Variants in RIMS2 observed in about 807,000 individuals in gnomAD.
RIMS2 encodes the protein regulating synaptic membrane exocytosis 2.
RIMS2 carries 59 observed loss-of-function variants against 174.4 expected under a neutral mutation model. The ratio of observed to expected loss-of-function variants is 0.34; its 90% CI spans 0.27 to 0.42. The LOEUF (loss-of-function observed/expected upper bound fraction) is 0.42. Ranked by LOEUF, RIMS2 falls within the 10% of genes least tolerant of loss-of-function variation. RIMS2 has a pLI of 1.00. For missense variants in RIMS2, 1,620 were observed against 1,666.3 expected, an observed-to-expected ratio of 0.97 and a Z score of 0.48; for synonymous variants, 606 against 572.5, an observed-to-expected ratio of 1.06 and a Z score of -0.84.
chr8:104,177,771 G>C (rs2098913181), intron 19 of RIMS2, among the ~76,000 whole-genome samples: 5 of 152,104 alleles, frequency 3.3e-5, no homozygotes, highest in Non-Finnish European at 1.5e-5. Context: ...GCCACCTGAG[G>C]ACAGAGACCA....
intron 1 of RIMS2, among the ~76,000 whole-genome samples, chr8:103,695,589 T>C (rs1013137830): frequency 3.3e-5 from 5 of 151,906 alleles, no homozygotes; most frequent in Non-Finnish European, 1.5e-5. Context: ...GAAGGTCTAC[T>C]GCCAATGAAT....
chr8:103,942,780 T>C (rs1426282021), exon 14 of RIMS2: 11 of 1,610,624 alleles, frequency 6.8e-6, no homozygotes, highest in Non-Finnish European at 8.5e-6. Context: ...TAGATTTTAA[T>C]TGAATTAGAA....
At chr8:104,001,846 A>G (rs796821527) in intron 17 of RIMS2, among the ~76,000 whole-genome samples, 2 of 152,122 alleles carry the variant, frequency 1.3e-5, no homozygotes, top group African/African-American at 2.4e-5. Flanking sequence ...ATGTAATGCA[A>G]CTAAACACAA....
chr8:104,035,105 A>G (rs1053639500), intron 19 of RIMS2, among the ~76,000 whole-genome samples: 3 of 152,170 alleles, frequency 2.0e-5, no homozygotes. Flanking sequence ...TTGGACATAT[A>G]ACTTTAAAAT....
At chr8:104,051,032 T>C (rs1184959611) in intron 19 of RIMS2, among the ~76,000 whole-genome samples, 6 of 151,520 alleles carry the variant, frequency 4.0e-5, no homozygotes, top group African/African-American at 1.5e-4. Context: ...CGTCCAGGAG[T>C]TTGAGACCAG....
intron 17 of RIMS2, among the ~76,000 whole-genome samples, chr8:103,994,571 G>A (rs2094947417): frequency 1.3e-5 from 2 of 152,084 alleles, no homozygotes; most frequent in Admixed American, 6.5e-5. Flanking sequence ...AGAAAAGTAA[G>A]CATGGTTCAG....
intron 2 of RIMS2, among the ~76,000 whole-genome samples, chr8:103,738,506 A>G (rs961923298): frequency 1.3e-5 from 2 of 152,282 alleles, no homozygotes; most frequent in South Asian, 2.1e-4. Flanking sequence ...CAAAAGCAAT[A>G]GCAACAAAAG....
intron 1 of RIMS2, among the ~76,000 whole-genome samples, chr8:103,631,612 G>C (rs2095923281): frequency 1.3e-5 from 2 of 152,118 alleles, no homozygotes; most frequent in South Asian, 2.1e-4. Flanking sequence ...TGGCTATTTG[G>C]CCTCTTTTTT....
At chr8:104,126,093 T>G (rs1048546525) in intron 19 of RIMS2, among the ~76,000 whole-genome samples, 3 of 152,186 alleles carry the variant, frequency 2.0e-5, no homozygotes, top group Non-Finnish European at 4.4e-5. Flanking sequence ...CCAATCTTTT[T>G]AGCACCAGGG....
chr8:104,029,942 G>A (rs1390381874), intron 19 of RIMS2, among the ~76,000 whole-genome samples: 4 of 152,108 alleles, frequency 2.6e-5, no homozygotes, highest in Non-Finnish European at 4.4e-5. Flanking sequence ...CCCAACGTGG[G>A]GGAAATACTC....
intron 3 of RIMS2, among the ~76,000 whole-genome samples, chr8:103,771,048 T>C (rs2098247729): frequency 6.6e-6 from 1 of 152,220 alleles, no homozygotes; most frequent in Admixed American, 6.5e-5. Flanking sequence ...TGTAGTAGTT[T>C]TGACCTTTTT....
chr8:104,060,147 A>T (rs2096953793), intron 19 of RIMS2, among the ~76,000 whole-genome samples: 1 of 151,984 alleles, frequency 6.6e-6, no homozygotes, highest in African/African-American at 2.4e-5. Context: ...AAGGAATGGT[A>T]TCAGTTCCTC....
At chr8:104,250,590 A>G (rs2140287060) in intron 22 of RIMS2, among the ~76,000 whole-genome samples, 1 of 139,230 alleles carries the variant, frequency 7.2e-6, no homozygotes, top group Admixed American at 7.6e-5. Context: ...AAATTCCACT[A>G]CTGTTATACC....
intron 1 of RIMS2, among the ~76,000 whole-genome samples, chr8:103,696,064 A>AT (rs1290561054): frequency 2.6e-5 from 4 of 151,102 alleles, no homozygotes; most frequent in East Asian, 1.9e-4. Flanking sequence ...CTTCATTTCC[A>AT]TTTTTTTTCT....
intron 1 of RIMS2, among the ~76,000 whole-genome samples, chr8:103,519,043 GCTTCATCTT>G (rs1210493844): frequency 6.6e-6 from 1 of 151,960 alleles, no homozygotes; most frequent in Non-Finnish European, 1.5e-5. Context: ...TGTTTTTCCA[GCTTCATCTT>G]CCACTCCACC....
At chr8:103,551,994 A>T (rs530181554) in intron 1 of RIMS2, among the ~76,000 whole-genome samples, 9 of 152,344 alleles carry the variant, frequency 5.9e-5, no homozygotes, top group African/African-American at 2.2e-4. Context: ...CATGGATAGG[A>T]AGAATCAATA....
At chr8:104,251,720 C>G in exon 24 of RIMS2, 1 of 1,611,014 alleles carries the variant, frequency 6.2e-7, no homozygotes. Flanking sequence ...AAACTTTTCC[C>G]ACCTTCCTCC....
chr8:103,957,765 AAG>A (rs1399591949), intron 14 of RIMS2, among the ~76,000 whole-genome samples: 1 of 152,188 alleles, frequency 6.6e-6, no homozygotes, highest in Non-Finnish European at 1.5e-5. Flanking sequence ...ATAATAAAAA[AAG>A]AAGACATGCA....
chr8:104,105,814 A>G (rs113441074), intron 19 of RIMS2, among the ~76,000 whole-genome samples: 2,328 of 151,900 alleles, frequency 0.015, 73 homozygotes, highest in African/African-American at 0.053. Context: ...CGAGGTGGGC[A>G]GATCATGAGC....
Sources: allele counts gnomAD v4.1 joint callset (sites outside exome capture counted in the v4.1 genomes callset), GRCh38; gene constraint gnomAD v4.1.1; transcripts MANE v1.5; gene names NCBI Gene and HGNC (gene_info 2026-07-23, HGNC 2026-07-21).